The following FARP2 variants were observed in gnomAD, a reference collection of about 807,000 sequenced individuals.
FARP2 encodes the protein FERM, ARHGEF and pleckstrin domain-containing protein 2.
In FARP2, 111 loss-of-function variants were observed where a neutral mutation model predicts 130.5. The observed-to-expected ratio is 0.85, with a 90% CI of 0.73 to 1.00. The LOEUF is 1.00. Ranked by LOEUF, FARP2 falls within the 50% of genes least tolerant of loss-of-function variation. The pLI is 0.00. For synonymous variants in FARP2, 504 were observed against 516.9 expected, an observed-to-expected ratio of 0.98 and a Z score of 0.34; for missense variants, 1,385 against 1,346.3, an observed-to-expected ratio of 1.03 and a Z score of -0.45.
chr2:241,422,260 C>G (rs1002020451), intron 8 of FARP2, among the ~76,000 whole-genome samples: 2 of 91,978 alleles, frequency 2.2e-5, no homozygotes, highest in Non-Finnish European at 4.4e-5. Context: ...ACTAAAAATA[C>G]AAAAAAAAAA....
At chr2:241,362,925 A>T (rs2061222181) in intron 1 of FARP2, among the ~76,000 whole-genome samples, 1 of 152,238 alleles carries the variant, frequency 6.6e-6, no homozygotes, top group Non-Finnish European at 1.5e-5. Context: ...AAATGCATGG[A>T]TGTGGAGCTG....
intron 26 of FARP2, chr2:241,493,703 T>C: frequency 3.8e-6 from 2 of 531,508 alleles, no homozygotes; most frequent in Non-Finnish European, 6.7e-6. Context: ...CAAGCGATTC[T>C]TCTGCCTCAG....
At chr2:241,407,711 C>T in intron 5 of FARP2, 96 bp downstream of exon 5, 1 of 929,220 alleles carries the variant, frequency 1.1e-6, no homozygotes, top group Non-Finnish European at 1.7e-6. Flanking sequence ...AATGAATAAG[C>T]CTGATATACA....
intron 19 of FARP2, among the ~76,000 whole-genome samples, chr2:241,481,003 G>A (rs2064600109): frequency 6.8e-6 from 1 of 146,182 alleles, no homozygotes; most frequent in Non-Finnish European, 1.5e-5. Context: ...AGGATCACTT[G>A]AGGCCAGGAG....
At chr2:241,430,366 G>C (rs2063060264) in intron 8 of FARP2, among the ~76,000 whole-genome samples, 1 of 152,204 alleles carries the variant, frequency 6.6e-6, no homozygotes. Flanking sequence ...CTGGTATTTA[G>C]AGACCAAGAT....
At chr2:241,402,863 TATATATATATATATATA>T (rs1240525802) in intron 2 of FARP2, among the ~76,000 whole-genome samples, 43 of 15,618 alleles carry the variant, frequency 2.8e-3, no homozygotes, top group African/African-American at 3.7e-3. Context: ...TATATATATA[TATATATATATATATATA>T]TTTTTTTTTT....
chr2:241,438,633 T>TG (rs1553723973), intron 12 of FARP2, among the ~76,000 whole-genome samples: 3 of 145,582 alleles, frequency 2.1e-5, no homozygotes, highest in Admixed American at 6.8e-5. Flanking sequence ...TTTTTTTTTT[T>TG]GTTTTTTTTT....
intron 1 of FARP2, among the ~76,000 whole-genome samples, chr2:241,359,927 C>T (rs144079761): frequency 1.3e-5 from 2 of 152,260 alleles, no homozygotes; most frequent in East Asian, 3.9e-4. Flanking sequence ...CAGTGGTGGT[C>T]ATACAGGACA....
chr2:241,406,620 G>GT lies in FARP2; in HGVS notation c.332-910dup, dbSNP rs1021101248. Among the ~76,000 whole-genome samples the GT allele has an allele frequency of 2.7e-5, 4 of 149,996 alleles. No individual in the cohort carries two copies. The East Asian group carries it at 5.9e-4, about 22-fold the overall frequency. On this transcript the variant is annotated intron_variant, in intron 4 of 26. Coordinates refer to ENST00000264042, the MANE Select transcript of FARP2 (RefSeq NM_014808.4). ...CGCCACCATATCTGGCTAATTTGGG[G>GT]TTTTTTTGGGGGGGAGAGGGGCGGG...
chr2:241,485,968 C>T (rs1219106149), intron 21 of FARP2, among the ~76,000 whole-genome samples: 2 of 152,222 alleles, frequency 1.3e-5, no homozygotes, highest in Non-Finnish European at 1.5e-5. Flanking sequence ...TGACAATGAG[C>T]GCCAAAACCC....
At chr2:241,440,676 G>A (rs144107452) in intron 12 of FARP2, among the ~76,000 whole-genome samples, 17 of 152,228 alleles carry the variant, frequency 1.1e-4, no homozygotes, top group African/African-American at 2.6e-4. Flanking sequence ...AGATGAGTGC[G>A]CATTACTGTA....
chr2:241,484,607 C>G (rs1190874068), intron 21 of FARP2, among the ~76,000 whole-genome samples: 1 of 152,230 alleles, frequency 6.6e-6, no homozygotes, highest in African/African-American at 2.4e-5. Flanking sequence ...CTGTCAGCAC[C>G]TGGCAGGACA....
At chr2:241,448,293 G>T (rs570285961) in intron 13 of FARP2, among the ~76,000 whole-genome samples, 18 of 152,378 alleles carry the variant, frequency 1.2e-4, no homozygotes, top group African/African-American at 4.3e-4. Context: ...AGGCACCTGG[G>T]TGCCTAAATC....
At chr2:241,359,639 G>A (rs2061140082) in intron 1 of FARP2, among the ~76,000 whole-genome samples, 1 of 152,208 alleles carries the variant, frequency 6.6e-6, no homozygotes, top group Admixed American at 6.5e-5. Flanking sequence ...CTAGCCAGCG[G>A]TGCTGCCTCT....
At position 241,374,392 on chromosome 2, in the gene FARP2, G is replaced by A. The variant is rs570125740; in HGVS notation, c.183+1102G>A. ...TTTTCTAATTTTTTCTGGCTTTCAAGTAACATCTTTAGAAGCTTTTCTTGC... is the reference window on the plus strand; with the variant it reads ...TTTTCTAATTTTTTCTGGCTTTCAAATAACATCTTTAGAAGCTTTTCTTGC... On this transcript the variant is annotated intron_variant, in intron 2 of 26. Coordinates refer to ENST00000264042, the MANE Select transcript of FARP2 (RefSeq NM_014808.4). Among the ~76,000 whole-genome samples, 7 of 152,282 alleles carry A rather than the reference G, an allele frequency of 4.6e-5. No homozygotes were observed. The East Asian group carries it at 1.3e-3, about 29-fold the overall frequency.
At chr2:241,477,047 T>C (rs1488454483) in intron 19 of FARP2, among the ~76,000 whole-genome samples, 1 of 151,962 alleles carries the variant, frequency 6.6e-6, no homozygotes, top group Non-Finnish European at 1.5e-5. Context: ...TTCATAGAAA[T>C]GGTATCACAC....
intron 2 of FARP2, among the ~76,000 whole-genome samples, chr2:241,374,595 C>T (rs755304538): frequency 9.9e-5 from 15 of 152,106 alleles, no homozygotes; most frequent in Non-Finnish European, 2.1e-4. Flanking sequence ...AGAGGGAACA[C>T]AGAGGAGGGG....
chr2:241,391,286 G>A (rs2061897569), intron 2 of FARP2, among the ~76,000 whole-genome samples: 3 of 152,236 alleles, frequency 2.0e-5, no homozygotes, highest in African/African-American at 4.8e-5. Flanking sequence ...AAGCCAGTTA[G>A]TAGCAGGTTG....
Position 241,468,295 on chromosome 2 carries a change from G to C in FARP2, c.2049G>C (p.Gln683His). The C allele has an allele frequency of 6.2e-7, 1 of 1,613,634 alleles. No individual in the cohort carries two copies. Among genetic ancestry groups the C allele is most frequent in the Non-Finnish European group, 8.5e-7 (1 of 1,180,040 alleles). ...PLNTFLLKPI[Q>H]RLLHYRLLLR... Reference sequence around the variant, plus strand: ...ACACGTTCCTGCTGAAGCCCATCCAGCGGCTGCTGCACTACCGCCTGCTGC... The same window carrying C: ...ACACGTTCCTGCTGAAGCCCATCCACCGGCTGCTGCACTACCGCCTGCTGC... The change falls in exon 18 of 27, where the codon CAG (glutamine) becomes CAC (histidine). Residue 683 changes from glutamine (Q) to histidine (H), a missense_variant. Physicochemically the swap from Gln to His is conservative, Grantham distance 24. Coordinates refer to ENST00000264042, the MANE Select transcript of FARP2 (RefSeq NM_014808.4).
Sources: allele counts gnomAD v4.1 joint callset (sites outside exome capture counted in the v4.1 genomes callset), GRCh38; gene constraint gnomAD v4.1.1; transcripts MANE v1.5; gene names NCBI Gene and HGNC (gene_info 2026-07-23, HGNC 2026-07-21).